SNX29: variants seen among roughly 807,000 people sequenced by gnomAD.
SNX29 encodes sorting nexin-29.
Under a neutral mutation model 102.1 loss-of-function variants are expected in SNX29, and 78 were observed. The ratio of observed to expected loss-of-function variants is 0.76; its 90% CI spans 0.64 to 0.92. The LOEUF (loss-of-function observed/expected upper bound fraction) is 0.92. SNX29 is among the 40% of genes least tolerant of loss of function. SNX29 has a pLI of 0.00. For synonymous variants in SNX29, 580 were observed against 414.5 expected, an observed-to-expected ratio of 1.40 and a Z score of -4.85; for missense variants, 1,280 against 1,061.7, an observed-to-expected ratio of 1.21 and a Z score of -2.86.
chr16:12,092,599 T>C (rs1018941426), intron 11 of SNX29, among the ~76,000 whole-genome samples: 1 of 152,222 alleles, frequency 6.6e-6, no homozygotes, highest in Non-Finnish European at 1.5e-5. Context: ...ATCCTGGCTC[T>C]GAGAGTAGTA....
chr16:12,566,695 G>T (rs1354880816), intron 20 of SNX29, among the ~76,000 whole-genome samples: 1 of 12,458 alleles, frequency 8.0e-5, no homozygotes, highest in Non-Finnish European at 3.9e-4. Context: ...CTCTTCGTAA[G>T]TGGGGTCCCC....
At chr16:12,452,994 T>A (rs773044703) in intron 18 of SNX29, among the ~76,000 whole-genome samples, 16 of 152,152 alleles carry the variant, frequency 1.1e-4, no homozygotes, top group Non-Finnish European at 1.9e-4. Context: ...ACCCACTTTC[T>A]CAAGGCACGG....
chr16:12,484,415 G>A (rs192488838), intron 19 of SNX29, among the ~76,000 whole-genome samples: 5 of 152,198 alleles, frequency 3.3e-5, no homozygotes, highest in South Asian at 2.1e-4. Context: ...TATTTTCCAC[G>A]CTGTAGCAAG....
At chr16:12,121,253 A>G (rs986254093) in intron 11 of SNX29, among the ~76,000 whole-genome samples, 2 of 152,200 alleles carry the variant, frequency 1.3e-5, no homozygotes, top group Admixed American at 1.3e-4. Flanking sequence ...GCATATGAAG[A>G]GCAATGGGAA....
intron 14 of SNX29, among the ~76,000 whole-genome samples, chr16:12,224,977 G>A (rs900185750): frequency 2.6e-5 from 4 of 152,200 alleles, no homozygotes; most frequent in African/African-American, 7.2e-5. Flanking sequence ...GCTCTGCTCT[G>A]TTCCAGCAAG....
At chr16:12,448,143 C>T (rs918956194) in intron 18 of SNX29, among the ~76,000 whole-genome samples, 2 of 152,156 alleles carry the variant, frequency 1.3e-5, no homozygotes, top group African/African-American at 4.8e-5. Flanking sequence ...CATTGAAGTT[C>T]AGAGGGGTTA....
chr16:12,060,402 G>T (rs1387143367), intron 8 of SNX29, among the ~76,000 whole-genome samples: 1 of 152,128 alleles, frequency 6.6e-6, no homozygotes, highest in East Asian at 1.9e-4. Context: ...GACCAGCCTG[G>T]ACAACATAGG....
intron 15 of SNX29, among the ~76,000 whole-genome samples, chr16:12,282,357 C>T (rs759876572): frequency 2.0e-5 from 3 of 152,174 alleles, no homozygotes; most frequent in Non-Finnish European, 4.4e-5. Context: ...CCCTTTGTTA[C>T]TGGAGAAGAA....
chr16:12,517,925 C>T (rs1045204986), intron 19 of SNX29, among the ~76,000 whole-genome samples: 6 of 151,962 alleles, frequency 3.9e-5, no homozygotes, highest in Non-Finnish European at 8.8e-5. Flanking sequence ...CAGGAGACAT[C>T]AGGAGACTGT....
At chr16:12,360,388 G>A (rs896117880) in intron 16 of SNX29, among the ~76,000 whole-genome samples, 1 of 152,136 alleles carries the variant, frequency 6.6e-6, no homozygotes, top group African/African-American at 2.4e-5. Flanking sequence ...TTCCCAGTTA[G>A]GATTTTGCTA....
intron 9 of SNX29, among the ~76,000 whole-genome samples, chr16:12,066,211 G>A (rs935556857): frequency 3.9e-5 from 6 of 152,200 alleles, no homozygotes; most frequent in African/African-American, 1.4e-4. Flanking sequence ...CTCTGCATGA[G>A]TTAGATTAGC....
At chr16:12,418,670 G>A (rs1010428448) in intron 18 of SNX29, among the ~76,000 whole-genome samples, 5 of 151,994 alleles carry the variant, frequency 3.3e-5, no homozygotes, top group African/African-American at 7.3e-5. Context: ...GCCTGCCACC[G>A]TGCCCAGCTA....
At chr16:12,197,178 C>G (rs142641398) in intron 13 of SNX29, among the ~76,000 whole-genome samples, 1 of 152,312 alleles carries the variant, frequency 6.6e-6, no homozygotes, top group East Asian at 1.9e-4. Flanking sequence ...AACTGCCTTT[C>G]TTTCCCTGAT....
chr16:12,458,668 G>A (rs966081904), intron 18 of SNX29, among the ~76,000 whole-genome samples: 1 of 151,354 alleles, frequency 6.6e-6, no homozygotes, highest in African/African-American at 2.4e-5. Context: ...TTGTGTAGAT[G>A]AGTTAGAAGG....
In SNX29 at chr16:12,147,786, A is replaced by T. The variant is rs2055126993; in HGVS notation, c.1595+18028A>T. Among the ~76,000 whole-genome samples the T allele has an allele frequency of 3.3e-5, 5 of 152,204 alleles. No individual in the cohort carries two copies. In the South Asian group the frequency reaches 1.0e-3, roughly 31 times the overall value. On this transcript the variant is annotated intron_variant, in intron 13 of 20. Coordinates refer to ENST00000566228, the MANE Select transcript of SNX29 (RefSeq NM_032167.5). ...TACGGTTCACAAGGTGGCAATTTCC[A>T]TGTCACTGAACATGAAGCCTGGGTC...
At chr16:12,106,972 T>C (rs2053277608) in intron 11 of SNX29, among the ~76,000 whole-genome samples, 1 of 152,102 alleles carries the variant, frequency 6.6e-6, no homozygotes, top group Non-Finnish European at 1.5e-5. Flanking sequence ...CATGTCACCA[T>C]GCCCAGCTAA....
chr16:11,985,575 C>T (rs1021476273), intron 1 of SNX29, among the ~76,000 whole-genome samples: 6 of 152,188 alleles, frequency 3.9e-5, no homozygotes, highest in Non-Finnish European at 7.4e-5. Flanking sequence ...CTCCATGGAG[C>T]GGGCTGGCCA....
At position 12,019,957 on chromosome 16, in the gene SNX29, T is replaced by C. The variant is rs186082237; in HGVS notation, c.123-7363T>C. On this transcript the variant is annotated intron_variant, in intron 3 of 20. Coordinates refer to ENST00000566228, the MANE Select transcript of SNX29 (RefSeq NM_032167.5). ...TGGCCTGTATTGTATTTTTCAAGCA[T>C]AACTGAGACCATACTTAACATACAG... 2.4e-3 allele frequency among the ~76,000 whole-genome samples: 371 copies of C among 152,248 alleles called. 1 individual carries two copies. The highest frequency in any genetic ancestry group is 6.8e-3 in the Middle Eastern group (2 of 294).
chr16:12,041,350 G>T (rs1047741399), intron 4 of SNX29, among the ~76,000 whole-genome samples: 10 of 152,190 alleles, frequency 6.6e-5, no homozygotes, highest in African/African-American at 2.4e-4. Context: ...GACCTCAGAT[G>T]ATCCGCTCGC....
Sources: allele counts gnomAD v4.1 joint callset (sites outside exome capture counted in the v4.1 genomes callset), GRCh38; gene constraint gnomAD v4.1.1; transcripts MANE v1.5; gene names NCBI Gene and HGNC (gene_info 2026-07-23, HGNC 2026-07-21).